Variants in LGR5 observed in about 807,000 individuals in gnomAD.
LGR5 encodes the protein leucine rich repeat containing G protein-coupled receptor 5.
Under a neutral mutation model 76.7 loss-of-function variants are expected in LGR5, and 54 were observed. The observed-to-expected ratio is 0.70, with a 90% confidence interval of 0.57 to 0.88. LGR5 has a LOEUF of 0.88. LGR5 is among the 40% of genes least tolerant of loss of function. The pLI is 0.00. For synonymous variants in LGR5, 406 were observed against 421.9 expected, an observed-to-expected ratio of 0.96 and a Z score of 0.46; for missense variants, 1,078 against 1,073.3, an observed-to-expected ratio of 1.00 and a Z score of -0.06.
intron 1 of LGR5, among the ~76,000 whole-genome samples, chr12:71,466,749 G>A (rs1419002552): frequency 6.6e-6 from 1 of 151,986 alleles, no homozygotes; most frequent in South Asian, 2.1e-4. Flanking sequence ...GTTTTCTTTG[G>A]TATCTAAGGT....
chr12:71,445,089 T>C (rs901496985), intron 1 of LGR5, among the ~76,000 whole-genome samples: 4 of 152,208 alleles, frequency 2.6e-5, no homozygotes, highest in Non-Finnish European at 2.9e-5. Context: ...TTTTGTGAAG[T>C]AATGTTTTTG....
chr12:71,508,764 A>AAAAG, intron 2 of LGR5, among the ~76,000 whole-genome samples: 1 of 151,134 alleles, frequency 6.6e-6, no homozygotes, highest in African/African-American at 2.4e-5. Flanking sequence ...AAAAAAAAAA[A>AAAAG]AAAAAAAAAA....
In LGR5 at chr12:71,584,328, T is replaced by A; in HGVS notation, c.2318T>A (p.Phe773Tyr). Residue 773 changes from phenylalanine (F) to tyrosine (Y), a missense_variant, in exon 18 of 18, where the codon TTC becomes TAC. By Grantham distance (22) the Phe-to-Tyr change is conservative (BLOSUM62 3). Transcript: ENST00000266674. Reference protein sequence around the residue: ...SMVKHIALLLFTNCILNCPVA... With the variant: ...SMVKHIALLLYTNCILNCPVA... ...GTAAAACACATTGCCCTGTTGCTCT[T>A]CACCAACTGCATCCTAAACTGCCCT... The A allele has an allele frequency of 6.2e-7, 1 of 1,614,234 alleles. No individual in the cohort carries two copies. Among genetic ancestry groups the A allele is most frequent in the Non-Finnish European group, 8.5e-7 (1 of 1,180,034 alleles).
At chr12:71,453,118 A>T (rs1038375261) in intron 1 of LGR5, among the ~76,000 whole-genome samples, 1 of 152,252 alleles carries the variant, frequency 6.6e-6, no homozygotes, top group Non-Finnish European at 1.5e-5. Context: ...AGAACAGCAG[A>T]AAGGCACCTA....
At position 71,583,977 on chromosome 12, in the gene LGR5, C is replaced by T. The variant is rs927854905; in HGVS notation, c.1967C>T (p.Thr656Ile). The T allele has an allele frequency of 2.5e-6, 4 of 1,614,206 alleles. No homozygotes were observed. Among genetic ancestry groups the T allele is most frequent in the Non-Finnish European group, 3.4e-6 (4 of 1,180,040 alleles). Residue 656 changes from threonine (T) to isoleucine (I), a missense_variant, in exon 18 of 18, where the codon ACT becomes ATT. Physicochemically the swap from Thr to Ile is moderately conservative, Grantham distance 89 (BLOSUM62 -1). Transcript: ENST00000266674. ...FASESSVFLL[T>I]LAALERGFSV... ...TCAGAATCATCTGTTTTCCTGCTTA[C>T]TCTGGCAGCCCTGGAGCGTGGGTTC...
intron 1 of LGR5, among the ~76,000 whole-genome samples, chr12:71,469,489 G>A (rs751000658): frequency 7.9e-5 from 12 of 152,254 alleles, no homozygotes; most frequent in Non-Finnish European, 1.0e-4. Flanking sequence ...GAATCAGTGC[G>A]GTTCAGGAGC....
chr12:71,500,288 T>A (rs1464564004), intron 1 of LGR5, among the ~76,000 whole-genome samples: 3 of 152,150 alleles, frequency 2.0e-5, no homozygotes, highest in Non-Finnish European at 2.9e-5. Context: ...AGTTTCGAGT[T>A]GTAGAGGTCA....
chr12:71,564,965 G>C (rs578098761), intron 8 of LGR5, among the ~76,000 whole-genome samples: 4 of 150,852 alleles, frequency 2.7e-5, no homozygotes, highest in African/African-American at 9.8e-5. Context: ...ATATACGTAT[G>C]TGTGTATATA....
chr12:71,523,820 C>T (rs1875844148), intron 2 of LGR5, among the ~76,000 whole-genome samples: 1 of 152,158 alleles, frequency 6.6e-6, no homozygotes, highest in Non-Finnish European at 1.5e-5. Context: ...ATGTTAATGT[C>T]CTTCATACTA....
At chr12:71,552,635 C>G (rs1182357871) in intron 4 of LGR5, among the ~76,000 whole-genome samples, 8 of 151,920 alleles carry the variant, frequency 5.3e-5, no homozygotes, top group Non-Finnish European at 7.4e-5. Context: ...CCAGAGCTTA[C>G]TGAACAGCTT....
At chr12:71,552,292 C>A (rs948436316) in intron 4 of LGR5, among the ~76,000 whole-genome samples, 1 of 151,992 alleles carries the variant, frequency 6.6e-6, no homozygotes, top group Non-Finnish European at 1.5e-5. Context: ...CGGCCAGGTG[C>A]GGTGGCTCAC....
chr12:71,508,360 C>T (rs761382895), intron 2 of LGR5, among the ~76,000 whole-genome samples: 62 of 151,674 alleles, frequency 4.1e-4, no homozygotes, highest in Admixed American at 6.6e-4. Flanking sequence ...AGCCATGGTT[C>T]ATCTCTCATC....
At chr12:71,583,438 G>T (rs1461357428) in intron 17 of LGR5, 1 of 564,708 alleles carries the variant, frequency 1.8e-6, no homozygotes, top group Non-Finnish European at 3.1e-6. Flanking sequence ...TGGAACAGGA[G>T]CACCGGGTGT....
At chr12:71,497,194 G>A (rs997645537) in intron 1 of LGR5, among the ~76,000 whole-genome samples, 5 of 152,016 alleles carry the variant, frequency 3.3e-5, no homozygotes, top group Non-Finnish European at 7.4e-5. Context: ...GCAAACCTGT[G>A]GTTCCAGCTA....
rs1323019549 is a variant in LGR5 at position 71,553,074 on chromosome 12, C to T, written c.430C>T (p.Arg144Cys). 2.5e-6 allele frequency: 4 copies of T among 1,613,728 alleles called. No individual in the cohort carries two copies. Among genetic ancestry groups the T allele is most frequent in the Non-Finnish European group, 2.5e-6 (3 of 1,179,800 alleles). The change falls in exon 5 of 18, where the codon CGT (arginine) becomes TGT (cysteine). Residue 144 changes from arginine to cysteine, a missense_variant and splice_region_variant. Physicochemically the swap from Arg to Cys is radical, Grantham distance 180. Coordinates refer to ENST00000266674, the MANE Select transcript of LGR5 (RefSeq NM_003667.4). ...ATTCTTGCTTTCTTTCTTCCACAGG[C>T]GTCTGGATGCTAACCACATCAGCTA... ...LQNLRSLQSL[R>C]LDANHISYVP...
intron 7 of LGR5, 86 bp downstream of exon 7, chr12:71,559,740 G>T: frequency 1.4e-6 from 1 of 708,534 alleles, no homozygotes; most frequent in South Asian, 2.0e-5. Context: ...TACATAATAT[G>T]ACTTGCTAGA....
intron 1 of LGR5, among the ~76,000 whole-genome samples, chr12:71,503,186 T>G (rs1273179178): frequency 1.3e-5 from 2 of 152,218 alleles, no homozygotes; most frequent in Non-Finnish European, 2.9e-5. Flanking sequence ...TCAGTGAACT[T>G]AATGACTGTG....
intron 1 of LGR5, among the ~76,000 whole-genome samples, chr12:71,458,662 A>T (rs1872578126): frequency 6.6e-6 from 1 of 152,126 alleles, no homozygotes; most frequent in Non-Finnish European, 1.5e-5. Flanking sequence ...TGTGGAAGAG[A>T]TCTTTCATAG....
chr12:71,566,781 A>G (rs1878368259), intron 10 of LGR5, 60 bp from the exon 11 acceptor site: 2 of 1,582,790 alleles, frequency 1.3e-6, no homozygotes, highest in Non-Finnish European at 1.7e-6. Context: ...TCAGTGAGTC[A>G]AAATATGTCA....
Sources: allele counts gnomAD v4.1 joint callset (sites outside exome capture counted in the v4.1 genomes callset), GRCh38; gene constraint gnomAD v4.1.1; transcripts MANE v1.5; gene names NCBI Gene and HGNC (gene_info 2026-07-23, HGNC 2026-07-21).